The following TPO variants were observed in gnomAD, a reference collection of about 807,000 sequenced individuals.
The protein encoded by TPO is thyroid microsomal antigen.
Under a neutral mutation model 96.9 loss-of-function variants are expected in TPO, and 78 were observed. The observed-to-expected ratio is 0.81, with a 90% confidence interval of 0.67 to 0.97. The LOEUF (loss-of-function observed/expected upper bound fraction) is 0.97. Ranked by LOEUF, TPO falls within the 50% of genes least tolerant of loss-of-function variation. The probability of loss-of-function intolerance (pLI) is 0.00; values close to 1 mark genes in which losing one functional copy is unlikely to be tolerated. For missense variants in TPO, 1,252 were observed against 1,274.8 expected (o/e 0.98, Z 0.27); for synonymous variants, 547 against 538.0 (o/e 1.02, Z -0.23).
At chr2:1,397,020 C>G (rs1662091920) in intron 1 of TPO, among the ~76,000 whole-genome samples, 1 of 152,140 alleles carries the variant, frequency 6.6e-6, no homozygotes, top group East Asian at 1.9e-4. Context: ...GCTATCCGTT[C>G]CAGACCCTGT....
At chr2:1,430,344 G>A (rs1664852111) in intron 3 of TPO, among the ~76,000 whole-genome samples, 1 of 152,220 alleles carries the variant, frequency 6.6e-6, no homozygotes, top group South Asian at 2.1e-4. Flanking sequence ...CAGAATGCAG[G>A]AGTTAAGGAG....
intron 1 of TPO, among the ~76,000 whole-genome samples, chr2:1,398,511 G>C (rs1391574190): frequency 6.6e-6 from 1 of 152,230 alleles, no homozygotes; most frequent in Non-Finnish European, 1.5e-5. Context: ...ACCTCACCCA[G>C]TGGGCGGCTC....
chr2:1,455,537 C>T (rs752692292), intron 6 of TPO, among the ~76,000 whole-genome samples: 2 of 152,192 alleles, frequency 1.3e-5, no homozygotes, highest in Non-Finnish European at 2.9e-5. Context: ...GGAAGCTTGT[C>T]GTCTGCTCTC....
At chr2:1,450,591 C>T (rs550580844) in intron 5 of TPO, among the ~76,000 whole-genome samples, 1 of 152,334 alleles carries the variant, frequency 6.6e-6, no homozygotes, top group Admixed American at 6.5e-5. Flanking sequence ...CCAACAGGAG[C>T]TGATCAAAGT....
At chr2:1,455,183 T>C (rs75100542) in intron 6 of TPO, among the ~76,000 whole-genome samples, 5,640 of 152,294 alleles carry the variant, frequency 0.037, 120 homozygotes, top group East Asian at 0.078. Context: ...TGTGACTGGA[T>C]TGGACACTCG....
At chr2:1,478,370 C>T in intron 8 of TPO, 1 of 985,428 alleles carries the variant, frequency 1.0e-6, no homozygotes, top group Non-Finnish European at 1.2e-6. Context: ...GCGGCCTGGG[C>T]ATCGTGTCTG....
chr2:1,480,960 G>A (rs997446986), intron 8 of TPO, among the ~76,000 whole-genome samples: 4 of 150,922 alleles, frequency 2.7e-5, no homozygotes, highest in African/African-American at 9.7e-5. Flanking sequence ...CTCAGCCCTG[G>A]GCCACAGGAC....
chr2:1,396,748 G>A (rs917500061), intron 1 of TPO, among the ~76,000 whole-genome samples: 63 of 152,100 alleles, frequency 4.1e-4, no homozygotes, highest in African/African-American at 9.7e-4. Flanking sequence ...TAACAATCAC[G>A]TCCAGCTGGC....
chr2:1,523,593 C>A (rs1453074847), intron 15 of TPO, among the ~76,000 whole-genome samples: 4 of 136,310 alleles, frequency 2.9e-5, no homozygotes, highest in Admixed American at 7.5e-5. Flanking sequence ...ATCCCCCACA[C>A]TGTGTGCAAA....
At chr2:1,432,625 G>C (rs1665114868) in intron 3 of TPO, among the ~76,000 whole-genome samples, 1 of 126,636 alleles carries the variant, frequency 7.9e-6, no homozygotes, top group Non-Finnish European at 1.6e-5. Context: ...GGGGAGGCCT[G>C]CAGGTGAGGG....
intron 15 of TPO, among the ~76,000 whole-genome samples, chr2:1,538,033 C>T (rs1258780820): frequency 3.8e-5 from 4 of 104,190 alleles, no homozygotes; most frequent in African/African-American, 2.2e-4. Flanking sequence ...CCTCAAGTCC[C>T]CCCACTGTGT....
chr2:1,380,988 T>C (rs932534850), intron 1 of TPO, among the ~76,000 whole-genome samples: 1 of 152,156 alleles, frequency 6.6e-6, no homozygotes, highest in Admixed American at 6.5e-5. Flanking sequence ...ATATATGCAC[T>C]TTAATTTCTG....
chr2:1,541,104 T>A, intron 16 of TPO: 1 of 1,198,064 alleles, frequency 8.3e-7, no homozygotes, highest in Non-Finnish European at 1.1e-6. Flanking sequence ...TGTGGAAAAA[T>A]GTGTATGTTT....
chr2:1,486,803 AGTG>A (rs1432543751), intron 9 of TPO, among the ~76,000 whole-genome samples: 7 of 140,106 alleles, frequency 5.0e-5, no homozygotes, highest in Non-Finnish European at 1.1e-4. Context: ...CGTAGTGGGG[AGTG>A]GGGAGGGCAG....
intron 1 of TPO, 54 bp from the exon 2 acceptor site, chr2:1,414,354 C>T: frequency 6.5e-7 from 1 of 1,550,268 alleles, no homozygotes; most frequent in Admixed American, 1.8e-5. Context: ...ACAGCGGTTC[C>T]CATGGCCTTG....
At chr2:1,410,773 C>T (rs548148650), upstream of TPO, among the ~76,000 whole-genome samples, 1 of 152,196 alleles carries the variant, frequency 6.6e-6, no homozygotes, top group Non-Finnish European at 1.5e-5. Flanking sequence ...TGGCTTCTTA[C>T]TGTATCATGC....
chr2:1,458,318 A>G (rs1289282436), intron 7 of TPO, among the ~76,000 whole-genome samples: 1 of 151,898 alleles, frequency 6.6e-6, no homozygotes. Flanking sequence ...TATATAGTAT[A>G]TAAGATAATA....
chr2:1,475,480 G>A (rs1308594600), intron 7 of TPO, among the ~76,000 whole-genome samples: 3 of 151,678 alleles, frequency 2.0e-5, no homozygotes, highest in East Asian at 3.9e-4. Context: ...CAGGAGTACA[G>A]TGGCCCAATC....
At chr2:1,522,092 C>G (rs1178842704) in intron 15 of TPO, among the ~76,000 whole-genome samples, 1 of 151,652 alleles carries the variant, frequency 6.6e-6, no homozygotes, top group African/African-American at 2.4e-5. Flanking sequence ...CCGGCCCTGC[C>G]ACCGTGCCCT....
Sources: gnomAD v4.1 joint callset for allele counts (sites outside exome capture counted in the v4.1 genomes callset) on GRCh38, gnomAD v4.1.1 for gene constraint, MANE v1.5 for transcripts, NCBI Gene and HGNC (gene_info 2026-07-23, HGNC 2026-07-21) for gene names.